MERTK: variants seen among roughly 807,000 people sequenced by gnomAD.
The protein encoded by MERTK is tyrosine-protein kinase Mer.
In MERTK, 69 loss-of-function variants were observed where a neutral mutation model predicts 99.3. The ratio of observed to expected loss-of-function variants is 0.70; its 90% confidence interval spans 0.57 to 0.85. MERTK has a LOEUF of 0.85. MERTK is among the 40% of genes least tolerant of loss of function. The probability of loss-of-function intolerance (pLI) is 0.00; values close to 1 mark genes in which losing one functional copy is unlikely to be tolerated. For synonymous variants in MERTK, 426 were observed against 467.6 expected, an observed-to-expected ratio of 0.91 and a Z score of 1.15; for missense variants, 1,125 against 1,249.4, an observed-to-expected ratio of 0.90 and a Z score of 1.50.
chr2:111,985,999 TATC>T (rs1469553901), intron 8 of MERTK, among the ~76,000 whole-genome samples: 1 of 152,190 alleles, frequency 6.6e-6, no homozygotes, highest in Non-Finnish European at 1.5e-5. Context: ...TTTAGCCACA[TATC>T]ATCCAGCATT....
intron 4 of MERTK, among the ~76,000 whole-genome samples, chr2:111,963,400 G>A (rs181094147): frequency 2.0e-5 from 3 of 152,124 alleles, no homozygotes; most frequent in African/African-American, 2.4e-5. Context: ...TACGGGTGTC[G>A]GGCTGGGGGA....
intron 18 of MERTK, chr2:112,026,119 A>G (rs370350992): frequency 1.3e-5 from 2 of 154,450 alleles, no homozygotes; most frequent in African/African-American, 4.8e-5. Flanking sequence ...CAGCCCTCCT[A>G]TTACTTACCA....
chr2:111,933,292 G>A (rs1369665371), intron 2 of MERTK, among the ~76,000 whole-genome samples: 1 of 152,174 alleles, frequency 6.6e-6, no homozygotes, highest in Non-Finnish European at 1.5e-5. Context: ...GGGCCCTAAG[G>A]AAATCTACTG....
intron 13 of MERTK, among the ~76,000 whole-genome samples, chr2:112,008,034 A>T (rs548639936): frequency 6.6e-6 from 1 of 152,146 alleles, no homozygotes; most frequent in Non-Finnish European, 1.5e-5. Flanking sequence ...CAATTGATGA[A>T]CCCATACTGA....
chr2:111,898,842 A>G (rs1006411295), intron 1 of MERTK, 46 bp downstream of exon 1: 9 of 1,544,670 alleles, frequency 5.8e-6, no homozygotes, highest in Non-Finnish European at 7.0e-6. Flanking sequence ...GGGGGCTCCC[A>G]GGAGGAAGCA....
At chr2:111,905,337 A>G (rs17174697) in intron 1 of MERTK, among the ~76,000 whole-genome samples, 34,912 of 151,180 alleles carry the variant, frequency 0.23, 4,324 homozygotes, top group Middle Eastern at 0.37. Context: ...CTGGGCTGCT[A>G]TGGCCAGGTC....
chr2:111,959,794 C>T (rs1573601213), intron 4 of MERTK, among the ~76,000 whole-genome samples: 1 of 152,006 alleles, frequency 6.6e-6, no homozygotes, highest in African/African-American at 2.4e-5. Context: ...CTGTGCTTGG[C>T]CTCAAGATCC....
chr2:111,996,059 C>T (rs570723031), intron 9 of MERTK: 23 of 154,438 alleles, frequency 1.5e-4, no homozygotes, highest in Middle Eastern at 5.3e-4. Context: ...CCTATAATCC[C>T]GGCACTTTCG....
chr2:111,951,319 C>A lies in MERTK; in HGVS notation c.757+3752C>A, dbSNP rs1045973051. ...TCTACCTTTTGACCAAGTCCTCACC[C>A]ACCTCCACCCACCCTTTTAAACCAC... On this transcript the variant is annotated intron_variant, in intron 4 of 18. Coordinates refer to ENST00000295408, the MANE Select transcript of MERTK (RefSeq NM_006343.3). Among the ~76,000 whole-genome samples the A allele has an allele frequency of 6.6e-5, 10 of 151,874 alleles. No homozygotes were observed. In the South Asian group the frequency reaches 2.1e-3, roughly 32 times the overall value.
chr2:111,979,135 A>G (rs1228507776), intron 7 of MERTK, among the ~76,000 whole-genome samples: 1 of 152,036 alleles, frequency 6.6e-6, no homozygotes, highest in African/African-American at 2.4e-5. Flanking sequence ...TCTCCTGGGT[A>G]TTTGCCTTTC....
chr2:111,915,852 A>T (rs1308185521), intron 1 of MERTK, among the ~76,000 whole-genome samples: 5 of 152,196 alleles, frequency 3.3e-5, no homozygotes, highest in African/African-American at 1.2e-4. Context: ...CTGAGATTGC[A>T]CTATTGCACT....
chr2:112,010,107 C>T (rs532176770), intron 15 of MERTK, 41 bp downstream of exon 15: 3 of 1,346,340 alleles, frequency 2.2e-6, no homozygotes, highest in African/African-American at 1.4e-5. Context: ...CTTCTCAGGG[C>T]TTATGTGACT....
At chr2:111,975,606 G>A (rs1269091828) in intron 7 of MERTK, 134 bp downstream of exon 7, 14 of 947,080 alleles carry the variant, frequency 1.5e-5, no homozygotes, top group Non-Finnish European at 1.8e-5. Context: ...TTATTGAGGC[G>A]ACTGATGAAA....
At chr2:111,973,853 A>G (rs191122209) in intron 6 of MERTK, among the ~76,000 whole-genome samples, 23 of 152,106 alleles carry the variant, frequency 1.5e-4, no homozygotes, top group Non-Finnish European at 3.1e-4. Context: ...TCTCTTGCCT[A>G]TGTATACAGA....
chr2:112,015,224 G>A (rs1677193915), intron 15 of MERTK, among the ~76,000 whole-genome samples: 1 of 152,202 alleles, frequency 6.6e-6, no homozygotes, highest in Non-Finnish European at 1.5e-5. Flanking sequence ...CATATGGTAA[G>A]TGCATATTTA....
In MERTK at chr2:111,961,870, C is replaced by T. The variant is rs112379654; in HGVS notation, c.758-3321C>T. On this transcript the variant is annotated intron_variant, in intron 4 of 18. Coordinates refer to ENST00000295408, the MANE Select transcript of MERTK (RefSeq NM_006343.3). ...CATGTAGTGACCACTTGGCTGCAGCCGGGGCGCAGTCGTGGCCATGCAGAC... is the reference window on the plus strand; with the variant it reads ...CATGTAGTGACCACTTGGCTGCAGCTGGGGCGCAGTCGTGGCCATGCAGAC... Among the ~76,000 whole-genome samples, 1,313 of 152,352 alleles carry T rather than the reference C, an allele frequency of 8.6e-3. 23 individuals are homozygous for T. Among genetic ancestry groups the T allele is most frequent in the African/African-American group, 0.03 (1,244 of 41,578 alleles).
chr2:111,997,080 A>C (rs2104401589), intron 9 of MERTK: 2 of 637,634 alleles, frequency 3.1e-6, no homozygotes, highest in East Asian at 6.0e-5. Context: ...ATACCTGTGG[A>C]GTACAGTGTG....
chr2:111,912,890 C>T (rs1357942292), intron 1 of MERTK: 1 of 256,248 alleles, frequency 3.9e-6, no homozygotes, highest in Admixed American at 6.5e-5. Flanking sequence ...TAGTTGGTGG[C>T]TGTGAGAAGC....
chr2:112,003,724 G>C (rs1371066182), intron 12 of MERTK, among the ~76,000 whole-genome samples, 180 bp from the exon 13 acceptor site: 1 of 152,198 alleles, frequency 6.6e-6, no homozygotes, highest in African/African-American at 2.4e-5. Context: ...ACAAGCAGGA[G>C]ACTAGAGCGT....
Sources: allele counts gnomAD v4.1 joint callset (sites outside exome capture counted in the v4.1 genomes callset), GRCh38; gene constraint gnomAD v4.1.1; transcripts MANE v1.5; gene names NCBI Gene and HGNC (gene_info 2026-07-23, HGNC 2026-07-21).